Variants in TMEM178B observed in about 807,000 individuals in gnomAD.
TMEM178B encodes the protein transmembrane protein 178B.
A neutral mutation model predicts 31.0 loss-of-function variants in TMEM178B; 5 were observed. The observed-to-expected ratio is 0.16, with a 90% CI of 0.08 to 0.34. TMEM178B has a LOEUF of 0.34. Ranked by LOEUF, TMEM178B falls within the 10% of genes least tolerant of loss-of-function variation. The pLI is 1.00. For synonymous variants in TMEM178B, 164 were observed against 164.0 expected (o/e 1.00, Z 0.00); for missense variants, 275 against 400.3 (o/e 0.69, Z 2.67).
At chr7:141,500,003 C>T in the TMEM178B span, among the ~76,000 whole-genome samples, 888 of 152,174 alleles carry the variant, frequency 5.8e-3, 10 homozygotes, top group African/African-American at 0.02. Context: ...CCCTGTATCT[C>T]GTGCTGCTCA....
chr7:141,163,068 A>G (rs1232058379), intron 1 of TMEM178B, among the ~76,000 whole-genome samples: 3 of 152,224 alleles, frequency 2.0e-5, no homozygotes, highest in African/African-American at 7.2e-5. Flanking sequence ...TTATTTCTCC[A>G]GTGTCTTCAG....
chr7:141,074,163 G>A lies in TMEM178B; in HGVS notation c.-148G>A, dbSNP rs1794554811. ...CCCCGCAGTCCCCGGGCCGTGCTCC[G>A]GTAGGCGGGGGCCGAGGGGGCGCCG... is the stretch of plus-strand genomic sequence containing the variant. On this transcript the variant is annotated 5_prime_UTR_variant, in exon 1 of 4. Coordinates refer to ENST00000565468, the MANE Select transcript of TMEM178B (RefSeq NM_001195278.2). The surrounding 1 kb of genome is among the most constrained non-coding windows in gnomAD (Gnocchi z 5.1). 8.3e-7 allele frequency: 1 copy of A among 1,202,800 alleles called. No individual in the cohort carries two copies. Among genetic ancestry groups the A allele is most frequent in the Non-Finnish European group, 1.1e-6 (1 of 909,034 alleles). The allele number at this position is 1,202,800 out of a possible 1,614,324, so 74.5% of individuals were successfully genotyped here. A position where few individuals can be genotyped will look rare whatever the true frequency, so the allele number is the denominator to read the frequency against.
intron 1 of TMEM178B, among the ~76,000 whole-genome samples, chr7:141,124,828 T>C (rs750516798): frequency 2.0e-5 from 3 of 152,188 alleles, no homozygotes; most frequent in Non-Finnish European, 4.4e-5. Context: ...TAAAAACCTT[T>C]CAGAAAAAGA....
chr7:141,383,162 TTC>T (rs141404257), intron 2 of TMEM178B, among the ~76,000 whole-genome samples: 3 of 105,438 alleles, frequency 2.8e-5, no homozygotes, highest in African/African-American at 1.2e-4. Flanking sequence ...CTTTCTTTCT[TTC>T]TTTTTTTTTA....
chr7:141,450,678 C>A (rs1248367207), intron 3 of TMEM178B, among the ~76,000 whole-genome samples: 2 of 152,092 alleles, frequency 1.3e-5, no homozygotes, highest in Non-Finnish European at 2.9e-5. Flanking sequence ...GACCTGAAAA[C>A]CCCCATAGGA....
At chr7:141,411,397 T>A (rs1800986669) in intron 2 of TMEM178B, among the ~76,000 whole-genome samples, 1 of 152,172 alleles carries the variant, frequency 6.6e-6, no homozygotes, top group Non-Finnish European at 1.5e-5. Context: ...AACTGTATAT[T>A]TTTTAATGGT....
At chr7:141,433,487 C>T (rs1291882388) in intron 2 of TMEM178B, among the ~76,000 whole-genome samples, 1 of 152,218 alleles carries the variant, frequency 6.6e-6, no homozygotes, top group Non-Finnish European at 1.5e-5. Context: ...GTCTCCTTTT[C>T]TATTTTCCCC....
intron 2 of TMEM178B, among the ~76,000 whole-genome samples, chr7:141,303,415 C>A (rs1419487989): frequency 6.6e-6 from 1 of 152,236 alleles, no homozygotes; most frequent in Non-Finnish European, 1.5e-5. Context: ...CATCCAAATT[C>A]TATCCTTGAG....
At chr7:141,182,954 C>A (rs541381057) in intron 1 of TMEM178B, among the ~76,000 whole-genome samples, 66 of 152,304 alleles carry the variant, frequency 4.3e-4, no homozygotes, top group Admixed American at 1.0e-3. Context: ...TGAGAACGAA[C>A]TAATACAGCT....
At chr7:141,404,989 G>A (rs369541553) in intron 2 of TMEM178B, among the ~76,000 whole-genome samples, 2 of 152,206 alleles carry the variant, frequency 1.3e-5, no homozygotes, top group Admixed American at 1.3e-4. Context: ...GTGGGCACAC[G>A]GAGCTCCTGT....
intron 1 of TMEM178B, among the ~76,000 whole-genome samples, chr7:141,205,941 A>G (rs1033988830): frequency 2.0e-5 from 3 of 152,196 alleles, no homozygotes; most frequent in Non-Finnish European, 4.4e-5. Flanking sequence ...CTGTTTCCAT[A>G]CATCAGAGCT....
rs1233873665 is a variant in TMEM178B, at chr7:141,119,172, C to T, written c.382+44480C>T. Reference sequence around the variant, plus strand: ...CATCCCACTGGAGACTGCTGGGGGACAGAGCAGAAAATGGTTCAGGTTACT... The same window carrying T: ...CATCCCACTGGAGACTGCTGGGGGATAGAGCAGAAAATGGTTCAGGTTACT... On this transcript the variant is annotated intron_variant, in intron 1 of 3. Coordinates refer to ENST00000565468, the MANE Select transcript of TMEM178B (RefSeq NM_001195278.2). 3.3e-5 allele frequency among the ~76,000 whole-genome samples: 5 copies of T among 152,298 alleles called. No individual in the cohort carries two copies. In the East Asian group the frequency reaches 9.6e-4, roughly 29 times the overall value.
intron 1 of TMEM178B, among the ~76,000 whole-genome samples, chr7:141,169,360 G>T (rs190556869): frequency 2.4e-4 from 37 of 152,314 alleles, no homozygotes; most frequent in South Asian, 6.2e-4. Flanking sequence ...CCATGTTCCT[G>T]CAAAGGACAT....
chr7:141,507,882 T>G, the TMEM178B span, among the ~76,000 whole-genome samples: 1 of 152,150 alleles, frequency 6.6e-6, no homozygotes, highest in Non-Finnish European at 1.5e-5. Flanking sequence ...CATTTTTTGC[T>G]CCTGGGCCTC....
chr7:141,277,724 T>C (rs1324962329), intron 2 of TMEM178B, among the ~76,000 whole-genome samples: 1 of 152,116 alleles, frequency 6.6e-6, no homozygotes, highest in Non-Finnish European at 1.5e-5. Flanking sequence ...TGTGTGTATG[T>C]ATGGAGGGGC....
chr7:141,220,178 C>T (rs1487138409), intron 2 of TMEM178B, among the ~76,000 whole-genome samples: 2 of 144,538 alleles, frequency 1.4e-5, no homozygotes, highest in South Asian at 2.3e-4. Flanking sequence ...ATTAGCTGGG[C>T]GTGGTGACAT....
intron 2 of TMEM178B, among the ~76,000 whole-genome samples, chr7:141,231,449 T>G (rs1797442013): frequency 6.6e-6 from 1 of 152,222 alleles, no homozygotes; most frequent in African/African-American, 2.4e-5. Flanking sequence ...TTACTCAGTA[T>G]GTAACCTGAA....
chr7:141,100,812 C>T (rs575469831), intron 1 of TMEM178B, among the ~76,000 whole-genome samples: 49 of 152,202 alleles, frequency 3.2e-4, no homozygotes, highest in African/African-American at 1.2e-3. Flanking sequence ...TTATGTGGCT[C>T]ATAAACTAAT....
intron 1 of TMEM178B, among the ~76,000 whole-genome samples, chr7:141,083,409 A>G (rs533556703): frequency 6.6e-6 from 1 of 151,998 alleles, no homozygotes; most frequent in South Asian, 2.1e-4. Flanking sequence ...AAGAGTAGAT[A>G]ATAGGTACAT....
Sources: gnomAD v4.1 joint callset for allele counts (sites outside exome capture counted in the v4.1 genomes callset) on GRCh38, gnomAD v4.1.1 for gene constraint, Gnocchi (gnomAD v3.1) non-coding constraint, MANE v1.5 for transcripts, NCBI Gene and HGNC (gene_info 2026-07-23, HGNC 2026-07-21) for gene names.